The following CERKL variants were observed in gnomAD, a reference collection of about 807,000 sequenced individuals.
The protein encoded by CERKL is ceramide kinase-like protein.
CERKL carries 61 observed loss-of-function variants against 63.4 expected under a neutral mutation model. That is an observed-to-expected ratio of 0.96 (90% CI 0.78 to 1.19). The LOEUF (loss-of-function observed/expected upper bound fraction) is 1.19. CERKL is among the 50% of genes most tolerant of loss of function. The pLI, the probability that CERKL is intolerant of heterozygous loss-of-function variation, is 0.00. For missense variants in CERKL, 675 were observed against 655.5 expected (o/e 1.03, Z -0.33); for synonymous variants, 250 against 230.5 (o/e 1.08, Z -0.77).
At chr2:181,580,124 TTAAATA>T (rs1684435841) in intron 2 of CERKL, among the ~76,000 whole-genome samples, 1 of 151,944 alleles carries the variant, frequency 6.6e-6, no homozygotes, top group African/African-American at 2.4e-5. Flanking sequence ...TGAGATTGCA[TTAAATA>T]TAAATTATCT....
intron 1 of CERKL, among the ~76,000 whole-genome samples, chr2:181,645,701 G>T (rs1308296232): frequency 6.6e-6 from 1 of 152,106 alleles, no homozygotes; most frequent in Non-Finnish European, 1.5e-5. Flanking sequence ...TGCCCTTTTG[G>T]GCTTAAAAAT....
At position 181,603,867 on chromosome 2, in the gene CERKL, A is replaced by C. The variant is rs768393289; in HGVS notation, c.451T>G (p.Trp151Gly). The C allele has an allele frequency of 6.2e-7, 1 of 1,613,450 alleles. No individual in the cohort carries two copies. The highest frequency in any genetic ancestry group is 2.2e-5 in the East Asian group (1 of 44,784). ...AATATTTTCTTGAACTGTCTAAACC[A>C]TATGTCACAGTGGTCTTCACTTAAA... ...INLSEDHCDI[W>G]FRQFKKILAG... is the part of the protein sequence containing the mutation. Residue 151 changes from tryptophan (W) to glycine (G), a missense_variant, in exon 2 of 13, where the codon TGG becomes GGG. Coordinates refer to ENST00000410087, the MANE Select transcript of CERKL (RefSeq NM_201548.5).
intron 1 of CERKL, among the ~76,000 whole-genome samples, chr2:181,619,408 G>T (rs186317313): frequency 6.7e-6 from 1 of 150,058 alleles, no homozygotes; most frequent in Non-Finnish European, 1.5e-5. Flanking sequence ...GATGATCTTT[G>T]CACCAATTCC....
At chr2:181,592,742 G>A (rs1395913652) in intron 2 of CERKL, among the ~76,000 whole-genome samples, 1 of 152,122 alleles carries the variant, frequency 6.6e-6, no homozygotes, top group Admixed American at 6.6e-5. Flanking sequence ...CAACTTTATA[G>A]CTGCATGACC....
At chr2:181,577,940 A>C (rs1177232161) in intron 2 of CERKL, among the ~76,000 whole-genome samples, 1 of 152,144 alleles carries the variant, frequency 6.6e-6, no homozygotes, top group Non-Finnish European at 1.5e-5. Context: ...GAAGTCCTGG[A>C]ATCTGAACCT....
chr2:181,594,278 T>C (rs1454600477), intron 2 of CERKL, among the ~76,000 whole-genome samples: 1 of 152,220 alleles, frequency 6.6e-6, no homozygotes, highest in East Asian at 1.9e-4. Flanking sequence ...GTATCCCCTT[T>C]GTGAGCCCAC....
chr2:181,551,072 T>G (rs1687963749), intron 5 of CERKL, among the ~76,000 whole-genome samples: 2 of 152,132 alleles, frequency 1.3e-5, no homozygotes, highest in South Asian at 4.1e-4. Context: ...CTCACCACTG[T>G]CATTAAAATA....
chr2:181,561,103 G>A (rs918446630), intron 4 of CERKL, among the ~76,000 whole-genome samples: 5 of 152,100 alleles, frequency 3.3e-5, no homozygotes, highest in African/African-American at 4.8e-5. Flanking sequence ...GAGTTTAGGC[G>A]CAAATGGCCA....
intron 4 of CERKL, chr2:181,565,408 T>A: frequency 6.4e-7 from 1 of 1,563,876 alleles, no homozygotes; most frequent in Non-Finnish European, 8.8e-7. Context: ...TTTTAAAAAA[T>A]GGCAATGAAA....
At chr2:181,572,763 C>A (rs1688961780) in intron 3 of CERKL, among the ~76,000 whole-genome samples, 1 of 147,954 alleles carries the variant, frequency 6.8e-6, no homozygotes, top group Admixed American at 6.8e-5. Context: ...TGGGGGCTGA[C>A]CTTCCTACAA....
At chr2:181,630,405 G>A (rs1686905324) in intron 1 of CERKL, among the ~76,000 whole-genome samples, 1 of 152,184 alleles carries the variant, frequency 6.6e-6, no homozygotes, top group African/African-American at 2.4e-5. Context: ...CAAATCACGT[G>A]TTATGGACTG....
At position 181,573,844 on chromosome 2, in the gene CERKL, G is replaced by A. The variant is rs1689012878; in HGVS notation, c.522C>T (p.Asn174=). 1 of 1,612,652 alleles carries A rather than the reference G, an allele frequency of 6.2e-7. No individual in the cohort carries two copies. Among genetic ancestry groups the A allele is most frequent in the Non-Finnish European group, 8.5e-7 (1 of 1,179,192 alleles). ...NRPKSLKILL[N]PQSHKKEATQ... ...TAGCTTCTTTTTTGTGACTTTGGGG[G>A]TTAAGGAGTATTTTTAATGACTTCG... Residue 174 remains asparagine, a synonymous_variant, in exon 3 of 13, where the codon AAC becomes AAT. Transcript: ENST00000410087.
At chr2:181,656,713 C>CG (rs1408876620) in intron 1 of CERKL, 56 bp downstream of exon 1, 1 of 1,428,972 alleles carries the variant, frequency 7.0e-7, no homozygotes, top group African/African-American at 1.4e-5. Context: ...GGCCTTGGGC[C>CG]GGGGAGAGGG....
Position 181,547,705 on chromosome 2 carries a change from A to G in CERKL, c.1181T>C (p.Met394Thr). 1 of 1,614,118 alleles carries G rather than the reference A, an allele frequency of 6.2e-7. No individual in the cohort carries two copies. ...PKSDCNDQWQ[M>T]IQGQFLNVSI... Reference sequence around the variant, plus strand: ...GACATTCAAGAACTGACCCTGGATCATTTGCCATTGATCATTACAGTCTAA... The same window carrying G: ...GACATTCAAGAACTGACCCTGGATCGTTTGCCATTGATCATTACAGTCTAA... Residue 394 changes from methionine to threonine, a missense_variant, in exon 10 of 13, where the codon ATG becomes ACG. Transcript: ENST00000410087.
At chr2:181,600,603 T>C (rs970605817) in intron 2 of CERKL, among the ~76,000 whole-genome samples, 5 of 151,740 alleles carry the variant, frequency 3.3e-5, no homozygotes, top group Admixed American at 1.3e-4. Flanking sequence ...ACCAACAACA[T>C]CAAAAAGAGA....
At chr2:181,556,776 A>G (rs576922089) in intron 5 of CERKL, among the ~76,000 whole-genome samples, 6 of 152,130 alleles carry the variant, frequency 3.9e-5, no homozygotes, top group East Asian at 1.9e-4. Context: ...GGATGGCTGG[A>G]TCAAATGGTA....
chr2:181,553,490 G>A (rs1467490274), intron 5 of CERKL, among the ~76,000 whole-genome samples: 1 of 152,190 alleles, frequency 6.6e-6, no homozygotes, highest in Non-Finnish European at 1.5e-5. Context: ...ATAATGTAAT[G>A]TCATGTGCAA....
chr2:181,620,206 T>C (rs937433456), intron 1 of CERKL, among the ~76,000 whole-genome samples: 2 of 152,334 alleles, frequency 1.3e-5, no homozygotes, highest in Non-Finnish European at 2.9e-5. Context: ...TGTCTGGGCA[T>C]GGGCTTCCTT....
At chr2:181,605,044 T>G (rs1685621983) in intron 1 of CERKL, among the ~76,000 whole-genome samples, 1 of 152,188 alleles carries the variant, frequency 6.6e-6, no homozygotes, top group African/African-American at 2.4e-5. Context: ...GTTTTACCTT[T>G]CACCTAAAAC....
Sources: allele counts gnomAD v4.1 joint callset (sites outside exome capture counted in the v4.1 genomes callset), GRCh38; gene constraint gnomAD v4.1.1; transcripts MANE v1.5; gene names NCBI Gene and HGNC (gene_info 2026-07-23, HGNC 2026-07-21).